COL5A2: variants seen among roughly 807,000 people sequenced by gnomAD.
COL5A2 encodes collagen alpha-2(V) chain.
In COL5A2, 23 loss-of-function variants were observed where a neutral mutation model predicts 208.2. The observed-to-expected ratio is 0.11, with a 90% CI of 0.08 to 0.16. COL5A2 has a LOEUF of 0.16. COL5A2 is among the 10% of genes least tolerant of loss of function. The pLI is 1.00. For missense variants in COL5A2, 1,590 were observed against 1,956.4 expected, an observed-to-expected ratio of 0.81 and a Z score of 3.53; for synonymous variants, 625 against 628.5, an observed-to-expected ratio of 0.99 and a Z score of 0.08.
At chr2:189,172,891 A>G (rs950572972) in intron 1 of COL5A2, among the ~76,000 whole-genome samples, 1 of 151,588 alleles carries the variant, frequency 6.6e-6, no homozygotes, top group Non-Finnish European at 1.5e-5. Flanking sequence ...GAGTTTGAAC[A>G]TAACACCAGA....
intron 1 of COL5A2, among the ~76,000 whole-genome samples, chr2:189,222,465 A>G (rs538149546): frequency 1.3e-5 from 2 of 152,268 alleles, no homozygotes; most frequent in East Asian, 3.9e-4. Context: ...ATATTCTCCA[A>G]CCCTTGTACG....
chr2:189,099,012 G>A (rs564786510), intron 4 of COL5A2, among the ~76,000 whole-genome samples: 34 of 152,206 alleles, frequency 2.2e-4, no homozygotes, highest in African/African-American at 7.5e-4. Context: ...TTCAAATCCC[G>A]ACACTACCCT....
intron 15 of COL5A2, 22 bp from the exon 16 acceptor site, chr2:189,078,591 T>C (rs200801984): frequency 1.2e-5 from 19 of 1,600,238 alleles, no homozygotes; most frequent in African/African-American, 6.7e-5. Flanking sequence ...AGAGAAGAAA[T>C]GTCTCTTGAA....
chr2:189,382,849 G>T, the COL5A2 span, among the ~76,000 whole-genome samples: 1 of 152,266 alleles, frequency 6.6e-6, no homozygotes, highest in Non-Finnish European at 1.5e-5. Context: ...TCACAAGGGT[G>T]GGGAGAGTGT....
chr2:189,366,458 A>G, the COL5A2 span, among the ~76,000 whole-genome samples: 16 of 152,204 alleles, frequency 1.1e-4, no homozygotes, highest in Non-Finnish European at 2.2e-4. Context: ...GCTGCTAAAC[A>G]CCACCCCAGG....
At chr2:189,290,613 A>G in the COL5A2 span, among the ~76,000 whole-genome samples, 1 of 152,060 alleles carries the variant, frequency 6.6e-6, no homozygotes, top group East Asian at 1.9e-4. Context: ...TGAATTTGCC[A>G]TGAAAAAGAG....
At chr2:189,313,094 A>G in the COL5A2 span, among the ~76,000 whole-genome samples, 5 of 152,080 alleles carry the variant, frequency 3.3e-5, no homozygotes, top group African/African-American at 1.2e-4. Flanking sequence ...TAATAGATCA[A>G]GCAGAAGAAA....
Position 189,088,695 on chromosome 2 carries a change from C to T in COL5A2, c.645G>A (p.Val215=). 1 of 1,612,760 alleles carries T rather than the reference C, an allele frequency of 6.2e-7. No individual in the cohort carries two copies. Among genetic ancestry groups the T allele is most frequent in the Non-Finnish European group, 8.5e-7 (1 of 1,179,006 alleles). Residue 215 remains valine, a splice_region_variant and synonymous_variant, in exon 8 of 54, where the codon GTG becomes GTA. Transcript: ENST00000374866. ...GSQVGLMPGS[V]GPVGPRGPQG... ...AATGATCAGTAAAATTTATGCTTAC[C>T]ACAGAGCCAGGCATTAGTCCTACTT... is the stretch of plus-strand genomic sequence containing the variant.
At position 189,057,443 on chromosome 2, in the gene COL5A2, A is replaced by T. The variant is rs375334470; in HGVS notation, c.2230-16T>A. 3.9e-4 allele frequency: 603 copies of T among 1,543,060 alleles called. 2 individuals are homozygous for T. Among genetic ancestry groups the T allele is most frequent in the Non-Finnish European group, 5.1e-4 (564 of 1,115,406 alleles). On this transcript the variant is annotated splice_polypyrimidine_tract_variant and intron_variant, in intron 33 of 53. Transcript: ENST00000374866. ...CTGGACTGCCCTAAAATGAACCAAC[A>T]TTAAGTGACCATACCAATAATATTA...
intron 16 of COL5A2, among the ~76,000 whole-genome samples, chr2:189,076,678 G>C (rs1046358267): frequency 9.2e-5 from 14 of 152,124 alleles, no homozygotes; most frequent in Non-Finnish European, 1.9e-4. Flanking sequence ...GAGAGCTCTT[G>C]GGATGGCTGA....
In COL5A2 at chr2:189,045,900, C is replaced by T. The variant is rs373288848; in HGVS notation, c.3209G>A (p.Arg1070His). ...CAGACCTGCAGGCCCAGGGTCTCCACGATCACCCTAACAAGAATAACCATG... is the reference window on the plus strand; with the variant it reads ...CAGACCTGCAGGCCCAGGGTCTCCATGATCACCCTAACAAGAATAACCATG... ...RDGAVGERGDRGDPGPAGLPG... is the reference protein window; with the variant it reads ...RDGAVGERGDHGDPGPAGLPG... Residue 1070 changes from arginine (R) to histidine (H), a missense_variant, in exon 46 of 54, where the codon CGT becomes CAT. Physicochemically the swap from Arg to His is conservative, Grantham distance 29. Coordinates refer to ENST00000374866, the MANE Select transcript of COL5A2 (RefSeq NM_000393.5). 70 of 1,613,540 alleles carry T rather than the reference C, an allele frequency of 4.3e-5. No homozygotes were observed. The African/African-American group carries it at 5.1e-4, about 12-fold the overall frequency.
chr2:189,068,438 T>C (rs1051311128), intron 19 of COL5A2, among the ~76,000 whole-genome samples, 168 bp from the exon 20 acceptor site: 1 of 152,190 alleles, frequency 6.6e-6, no homozygotes, highest in Non-Finnish European at 1.5e-5. Context: ...CTCCTTTACA[T>C]AAAATAGGTA....
intron 1 of COL5A2, among the ~76,000 whole-genome samples, chr2:189,218,456 A>G (rs1021433678): frequency 1.3e-4 from 20 of 152,284 alleles, no homozygotes; most frequent in African/African-American, 4.8e-4. Context: ...GGAAGAGGCA[A>G]AGAACGATTT....
At chr2:189,124,648 A>G (rs1411297437) in intron 1 of COL5A2, among the ~76,000 whole-genome samples, 1 of 152,136 alleles carries the variant, frequency 6.6e-6, no homozygotes, top group Non-Finnish European at 1.5e-5. Flanking sequence ...TCTGCTTTTT[A>G]AATTACATTA....
At chr2:189,153,035 A>T (rs1576559331) in intron 1 of COL5A2, among the ~76,000 whole-genome samples, 1 of 152,222 alleles carries the variant, frequency 6.6e-6, no homozygotes, top group East Asian at 1.9e-4. Flanking sequence ...GTATTTTCTC[A>T]TCTTTTAGAA....
At chr2:189,348,663 G>C in the COL5A2 span, among the ~76,000 whole-genome samples, 1 of 152,082 alleles carries the variant, frequency 6.6e-6, no homozygotes, top group South Asian at 2.1e-4. Flanking sequence ...TGAAAAAATG[G>C]GATGCAACTC....
chr2:189,039,889 T>C (rs1685522404), intron 50 of COL5A2, among the ~76,000 whole-genome samples: 2 of 152,318 alleles, frequency 1.3e-5, no homozygotes, highest in African/African-American at 2.4e-5. Flanking sequence ...GATATGTATG[T>C]TCATTTGCAA....
intron 31 of COL5A2, 60 bp downstream of exon 31, chr2:189,060,670 A>G: frequency 1.4e-6 from 2 of 1,401,438 alleles, no homozygotes; most frequent in Non-Finnish European, 2.0e-6. Flanking sequence ...CTCACACATA[A>G]AAAGTGATAA....
At chr2:189,163,746 C>A (rs1688414989) in intron 1 of COL5A2, among the ~76,000 whole-genome samples, 1 of 152,278 alleles carries the variant, frequency 6.6e-6, no homozygotes, top group African/African-American at 2.4e-5. Context: ...AGTGAAGTAC[C>A]TTTATCTAAA....
Sources: allele counts gnomAD v4.1 joint callset (sites outside exome capture counted in the v4.1 genomes callset), GRCh38; gene constraint gnomAD v4.1.1; transcripts MANE v1.5; gene names NCBI Gene and HGNC (gene_info 2026-07-23, HGNC 2026-07-21).